Variants in GHR observed in about 807,000 individuals in gnomAD.
GHR encodes the protein growth hormone receptor, also known as GH receptor.
GHR carries 35 observed loss-of-function variants against 67.1 expected under a neutral mutation model. The ratio of observed to expected loss-of-function variants is 0.52; its 90% CI spans 0.40 to 0.69. GHR has a LOEUF of 0.69. Among genes scored for constraint, GHR ranks in the 30% least tolerant of loss-of-function variants. The pLI is 0.00. For synonymous variants in GHR, 272 were observed against 269.1 expected, an observed-to-expected ratio of 1.01 and a Z score of -0.10; for missense variants, 792 against 764.6, an observed-to-expected ratio of 1.04 and a Z score of -0.42.
intron 3 of GHR, among the ~76,000 whole-genome samples, chr5:42,684,591 T>C (rs1253571428): frequency 1.3e-5 from 2 of 152,194 alleles, no homozygotes; most frequent in Non-Finnish European, 2.9e-5. Flanking sequence ...TACTCATTTG[T>C]AACAGATAAT....
At chr5:42,703,022 T>C (rs1390902381) in intron 6 of GHR, among the ~76,000 whole-genome samples, 1 of 152,008 alleles carries the variant, frequency 6.6e-6, no homozygotes, top group Non-Finnish European at 1.5e-5. Context: ...TTTACTCTGT[T>C]GATTGTTTCC....
intron 1 of GHR, chr5:42,467,698 T>C: frequency 6.3e-7 from 1 of 1,579,362 alleles, no homozygotes; most frequent in Non-Finnish European, 8.7e-7. Flanking sequence ...AATGAAGGCC[T>C]TCCCACACTC....
At chr5:42,691,326 T>C (rs977081721) in intron 4 of GHR, among the ~76,000 whole-genome samples, 1 of 152,214 alleles carries the variant, frequency 6.6e-6, no homozygotes, top group African/African-American at 2.4e-5. Flanking sequence ...CTATAAAATA[T>C]AACTATTTTG....
At chr5:42,587,660 G>C (rs959316275) in intron 2 of GHR, among the ~76,000 whole-genome samples, 2 of 151,878 alleles carry the variant, frequency 1.3e-5, no homozygotes, top group Non-Finnish European at 2.9e-5. Flanking sequence ...GGAAAGATTT[G>C]GGGTTTTTTT....
At chr5:42,436,746 T>G (rs560462923) in intron 1 of GHR, among the ~76,000 whole-genome samples, 19 of 152,206 alleles carry the variant, frequency 1.2e-4, no homozygotes, top group Non-Finnish European at 2.4e-4. Context: ...TTTTAAGTGT[T>G]ACATGAGGGA....
intron 1 of GHR, among the ~76,000 whole-genome samples, chr5:42,512,322 T>C (rs1330066855): frequency 2.0e-5 from 3 of 151,728 alleles, no homozygotes; most frequent in African/African-American, 7.3e-5. Context: ...TACAGATTTC[T>C]GAGGTGTTCA....
Position 42,443,613 on chromosome 5 carries a change from T to G in GHR, c.-12+19658T>G, listed in dbSNP as rs969263053. 1.3e-4 allele frequency among the ~76,000 whole-genome samples: 19 copies of G among 150,318 alleles called. No individual in the cohort carries two copies. The East Asian group carries it at 2.7e-3, about 22-fold the overall frequency. On this transcript the variant is annotated intron_variant, in intron 1 of 9. Transcript: ENST00000230882. ...TTCCAGAGAAACAGGACCAGTAGGG[T>G]GTGTGTGTGTGTGTGTGTAGATTTA...
chr5:42,472,953 G>A (rs548630071), intron 1 of GHR, among the ~76,000 whole-genome samples: 2 of 152,314 alleles, frequency 1.3e-5, no homozygotes, highest in Admixed American at 1.3e-4. Context: ...AAAAGTCAGT[G>A]TATGCCTTAA....
At chr5:42,602,911 T>A (rs1752450113) in intron 2 of GHR, among the ~76,000 whole-genome samples, 1 of 152,208 alleles carries the variant, frequency 6.6e-6, no homozygotes, top group African/African-American at 2.4e-5. Context: ...ATGAACATAT[T>A]TACCTACCAC....
chr5:42,550,100 G>T (rs1444850786), intron 1 of GHR: 2 of 975,656 alleles, frequency 2.0e-6, no homozygotes, highest in East Asian at 2.3e-4. Flanking sequence ...AGCTATGACA[G>T]CACGTATGAG....
intron 1 of GHR, among the ~76,000 whole-genome samples, chr5:42,515,825 G>C (rs1206354411): frequency 6.6e-6 from 1 of 152,178 alleles, no homozygotes; most frequent in Non-Finnish European, 1.5e-5. Flanking sequence ...CATTTCTTCA[G>C]TTTTATCGCA....
intron 4 of GHR, among the ~76,000 whole-genome samples, chr5:42,690,720 G>A (rs946949382): frequency 1.3e-5 from 2 of 152,122 alleles, no homozygotes; most frequent in Non-Finnish European, 1.5e-5. Flanking sequence ...CTTGGATGAA[G>A]TGAAGTGAAG....
intron 1 of GHR, among the ~76,000 whole-genome samples, chr5:42,559,202 T>C (rs1749468387): frequency 6.6e-6 from 1 of 152,206 alleles, no homozygotes; most frequent in African/African-American, 2.4e-5. Flanking sequence ...TATTGTAACA[T>C]AATTGGTCAT....
chr5:42,520,038 T>A (rs1393766766), intron 1 of GHR, among the ~76,000 whole-genome samples: 1 of 152,168 alleles, frequency 6.6e-6, no homozygotes, highest in Non-Finnish European at 1.5e-5. Flanking sequence ...CACAGAAGTT[T>A]TGCTGATACA....
At chr5:42,531,225 C>T (rs1362885901) in intron 1 of GHR, among the ~76,000 whole-genome samples, 1 of 151,872 alleles carries the variant, frequency 6.6e-6, no homozygotes, top group Non-Finnish European at 1.5e-5. Flanking sequence ...TGAGATAGCA[C>T]CATTGCACTC....
chr5:42,561,097 G>A (rs1257150348), intron 1 of GHR, among the ~76,000 whole-genome samples: 1 of 152,164 alleles, frequency 6.6e-6, no homozygotes, highest in Non-Finnish European at 1.5e-5. Context: ...AACATACTCA[G>A]AATTCATACT....
intron 1 of GHR, among the ~76,000 whole-genome samples, chr5:42,449,102 G>T (rs768528163): frequency 1.3e-5 from 2 of 152,074 alleles, no homozygotes; most frequent in Non-Finnish European, 2.9e-5. Context: ...GCTTAGTCTT[G>T]TTTTGGCTAT....
At chr5:42,479,325 A>C (rs1261666349) in intron 1 of GHR, among the ~76,000 whole-genome samples, 1 of 152,214 alleles carries the variant, frequency 6.6e-6, no homozygotes, top group Non-Finnish European at 1.5e-5. Flanking sequence ...ATGTTCATCA[A>C]GGATATTGGT....
intron 2 of GHR, among the ~76,000 whole-genome samples, chr5:42,618,324 A>T (rs543376573): frequency 1.3e-5 from 2 of 152,262 alleles, no homozygotes; most frequent in Non-Finnish European, 2.9e-5. Flanking sequence ...CAAGTATGTG[A>T]GGGGAGCTGC....
Sources: allele counts gnomAD v4.1 joint callset (sites outside exome capture counted in the v4.1 genomes callset), GRCh38; gene constraint gnomAD v4.1.1; transcripts MANE v1.5; gene names NCBI Gene and HGNC (gene_info 2026-07-23, HGNC 2026-07-21).